The following PRR5L variants were observed in gnomAD, a reference collection of about 807,000 sequenced individuals.
PRR5L encodes proline rich 5 like.
PRR5L carries 21 observed loss-of-function variants against 36.4 expected under a neutral mutation model. That is an observed-to-expected ratio of 0.58 (90% CI 0.41 to 0.83). The LOEUF (loss-of-function observed/expected upper bound fraction) is 0.83. Among genes scored for constraint, PRR5L ranks in the 40% least tolerant of loss-of-function variants. The pLI, the probability that PRR5L is intolerant of heterozygous loss-of-function variation, is 0.00. For missense variants in PRR5L, 381 were observed against 473.3 expected, an observed-to-expected ratio of 0.80 and a Z score of 1.81; for synonymous variants, 188 against 197.0, an observed-to-expected ratio of 0.95 and a Z score of 0.38.
chr11:36,412,785 G>A (rs1052239275), intron 3 of PRR5L, among the ~76,000 whole-genome samples: 9 of 152,246 alleles, frequency 5.9e-5, no homozygotes, highest in African/African-American at 2.2e-4. Flanking sequence ...TGCCCTATAA[G>A]AGAGTGGCCC....
At chr11:36,297,013 T>G (rs901200339) in intron 1 of PRR5L, among the ~76,000 whole-genome samples, 1 of 152,182 alleles carries the variant, frequency 6.6e-6, no homozygotes, top group Non-Finnish European at 1.5e-5. Flanking sequence ...GTATTGTGAG[T>G]CCTTTGCCCT....
At chr11:36,376,271 T>G in intron 1 of PRR5L, 1 of 1,131,942 alleles carries the variant, frequency 8.8e-7, no homozygotes, top group South Asian at 1.6e-5. Flanking sequence ...ACACTAAAGC[T>G]AGGTGCCCGG....
intron 8 of PRR5L, among the ~76,000 whole-genome samples, chr11:36,457,618 AAC>A (rs1231974791): frequency 1.3e-5 from 2 of 151,900 alleles, no homozygotes; most frequent in Non-Finnish European, 2.9e-5. Context: ...AAAAAAAAAA[AAC>A]AAAACAAAAA....
chr11:36,409,532 C>T lies in PRR5L; in HGVS notation c.245+6154C>T, dbSNP rs542761458. Among the ~76,000 whole-genome samples, 18 of 152,250 alleles carry T rather than the reference C, an allele frequency of 1.2e-4. No homozygotes were observed. The East Asian group carries it at 3.3e-3, about 28-fold the overall frequency. On this transcript the variant is annotated intron_variant, in intron 3 of 8. Coordinates refer to ENST00000530639, the MANE Select transcript of PRR5L (RefSeq NM_001160167.2). ...GGTTGCCTGAAACCCAAAGGGAAAT[C>T]CACCTCCGATTTTTCCATCTCTTTA...
intron 1 of PRR5L, among the ~76,000 whole-genome samples, chr11:36,397,057 G>C (rs1182042801): frequency 6.7e-6 from 1 of 148,260 alleles, no homozygotes; most frequent in African/African-American, 2.5e-5. Flanking sequence ...TGATGTTCAA[G>C]TTTTCTTTTC....
rs149371852 is a variant in PRR5L at position 36,311,386 on chromosome 11, T to C, written c.-126+14948T>C. ...CAGGGGAGCAAATGTCTTGGTAGAG[T>C]GGGCTATTGCTTGGCTCCTAATGGG... On this transcript the variant is annotated intron_variant, in intron 1 of 8. Coordinates refer to ENST00000530639, the MANE Select transcript of PRR5L (RefSeq NM_001160167.2). Among the ~76,000 whole-genome samples the C allele has an allele frequency of 2.7e-3, 405 of 152,152 alleles. 5 individuals are homozygous for C. The highest frequency in any genetic ancestry group is 9.6e-3 in the African/African-American group (397 of 41,502).
chr11:36,438,918 G>C (rs1001971074), intron 6 of PRR5L, among the ~76,000 whole-genome samples: 11 of 152,124 alleles, frequency 7.2e-5, no homozygotes, highest in Non-Finnish European at 1.5e-5. Context: ...CTGGGTGACA[G>C]AGCAAAACCC....
At chr11:36,324,532 CA>C (rs1033972359) in intron 1 of PRR5L, among the ~76,000 whole-genome samples, 2 of 151,492 alleles carry the variant, frequency 1.3e-5, no homozygotes, top group Non-Finnish European at 2.9e-5. Flanking sequence ...TACTTTACTG[CA>C]AATAAAAAAA....
chr11:36,310,756 TG>T (rs1856492305), intron 1 of PRR5L, among the ~76,000 whole-genome samples: 1 of 151,988 alleles, frequency 6.6e-6, no homozygotes, highest in African/African-American at 2.4e-5. Flanking sequence ...CGCAGCACTT[TG>T]GGGGGCCGAG....
intron 1 of PRR5L, among the ~76,000 whole-genome samples, chr11:36,297,213 G>A (rs984522095): frequency 1.3e-5 from 2 of 152,174 alleles, no homozygotes; most frequent in African/African-American, 4.8e-5. Context: ...TCTTAGACCC[G>A]CCCAGCCCTG....
rs1315914509 is a variant in PRR5L, at chr11:36,303,992, C to T, written c.-126+7554C>T. On this transcript the variant is annotated intron_variant, in intron 1 of 8. Coordinates refer to ENST00000530639, the MANE Select transcript of PRR5L (RefSeq NM_001160167.2). The stretch of plus-strand genomic sequence containing the variant: ...ACCAGCTAATCAACCCCAATTCAAC[C>T]CTAAGAGGTGGAGCTCAGTTGGGTG... Among the ~76,000 whole-genome samples the T allele has an allele frequency of 2.0e-5, 3 of 152,102 alleles. No individual in the cohort carries two copies. The East Asian group carries it at 5.8e-4, about 29-fold the overall frequency.
At chr11:36,423,632 G>T (rs1435446053) in intron 4 of PRR5L, among the ~76,000 whole-genome samples, 2 of 152,172 alleles carry the variant, frequency 1.3e-5, no homozygotes, top group Non-Finnish European at 1.5e-5. Context: ...AGAGCTAATT[G>T]GGTGAACAGA....
chr11:36,342,507 A>G (rs1856827245), intron 1 of PRR5L, among the ~76,000 whole-genome samples: 1 of 152,182 alleles, frequency 6.6e-6, no homozygotes, highest in Non-Finnish European at 1.5e-5. Context: ...GTGGTATTCC[A>G]CACTGATCAG....
intron 1 of PRR5L, among the ~76,000 whole-genome samples, chr11:36,364,180 C>T (rs912480922): frequency 2.0e-5 from 3 of 152,286 alleles, no homozygotes; most frequent in African/African-American, 4.8e-5. Context: ...TTGCACTGGG[C>T]TCATAGTGTT....
intron 1 of PRR5L, among the ~76,000 whole-genome samples, chr11:36,386,255 C>T (rs1857454416): frequency 6.6e-6 from 1 of 151,928 alleles, no homozygotes; most frequent in Admixed American, 6.6e-5. Flanking sequence ...CACCATACTC[C>T]AGCCTGGGTG....
intron 1 of PRR5L, among the ~76,000 whole-genome samples, chr11:36,319,459 C>T (rs1325250430): frequency 1.3e-5 from 2 of 152,198 alleles, no homozygotes; most frequent in Non-Finnish European, 2.9e-5. Context: ...AAACTTTGCC[C>T]GTAAAGGGCC....
In PRR5L at chr11:36,420,403, C is replaced by T. The variant is rs557579570; in HGVS notation, c.294+1100C>T. Among the ~76,000 whole-genome samples the T allele has an allele frequency of 1.4e-3, 213 of 152,290 alleles. 1 individual carries two copies. Among genetic ancestry groups the T allele is most frequent in the Admixed American group, 3.0e-3 (46 of 15,298 alleles). ...TGCTTGGGTTCAGTGCCCAGCATAG[C>T]CACTTACTAGCTATGTGACCTTGAG... On this transcript the variant is annotated intron_variant, in intron 4 of 8. Coordinates refer to ENST00000530639, the MANE Select transcript of PRR5L (RefSeq NM_001160167.2).
At chr11:36,441,638 G>A (rs940739676) in intron 6 of PRR5L, among the ~76,000 whole-genome samples, 4 of 152,146 alleles carry the variant, frequency 2.6e-5, no homozygotes, top group African/African-American at 7.2e-5. Context: ...CCCTTCCCAC[G>A]GCTCCACTAG....
intron 1 of PRR5L, among the ~76,000 whole-genome samples, chr11:36,354,748 G>A (rs991134399): frequency 2.6e-5 from 4 of 152,138 alleles, no homozygotes; most frequent in Non-Finnish European, 5.9e-5. Flanking sequence ...CTTAAGCAAC[G>A]TCTTCCTTTG....
Sources: gnomAD v4.1 joint callset for allele counts (sites outside exome capture counted in the v4.1 genomes callset) on GRCh38, gnomAD v4.1.1 for gene constraint, MANE v1.5 for transcripts, NCBI Gene and HGNC (gene_info 2026-07-23, HGNC 2026-07-21) for gene names.